Variants in SHROOM3 observed in about 807,000 individuals in gnomAD.
SHROOM3 encodes shroom family member 3, also known as protein Shroom3.
A neutral mutation model predicts 138.6 loss-of-function variants in SHROOM3; 47 were observed. The ratio of observed to expected loss-of-function variants is 0.34; its 90% CI spans 0.27 to 0.43. The LOEUF (loss-of-function observed/expected upper bound fraction) is 0.43. Among genes scored for constraint, SHROOM3 ranks in the 20% least tolerant of loss-of-function variants. SHROOM3 has a pLI of 1.00. For missense variants in SHROOM3, 2,491 were observed against 2,596.5 expected (o/e 0.96, Z 0.88); for synonymous variants, 1,062 against 1,063.3 (o/e 1.00, Z 0.02).
rs1721244186 is a variant in SHROOM3, at chr4:76,741,219, A to C, written c.3046A>C (p.Lys1016Gln). Residue 1016 changes from lysine (K) to glutamine (Q), a missense_variant, in exon 5 of 11, where the codon AAG becomes CAG. By Grantham distance (53) the Lys-to-Gln change is moderately conservative. Around this residue, in one of 4 missense-constraint regions of SHROOM3, gnomAD observed 1,733 missense variants for 1,661.6 expected, o/e 1.04. Transcript: ENST00000296043. This position sits in a 1 kb window ranked among gnomAD's most constrained non-coding sequence, Gnocchi z 6.2. ...GARRRLTPEQ[K>Q]KRSYSEPEKM... ...TCGCCGGCGCCTGACTCCCGAGCAG[A>C]AGAAGCGCTCCTACTCGGAGCCCGA... 4 of 1,609,646 alleles carry C rather than the reference A, an allele frequency of 2.5e-6. No homozygotes were observed. The highest frequency in any genetic ancestry group is 3.4e-6 in the Non-Finnish European group (4 of 1,178,672).
chr4:76,569,905 G>C (rs1442116347), intron 2 of SHROOM3, among the ~76,000 whole-genome samples: 1 of 152,036 alleles, frequency 6.6e-6, no homozygotes, highest in Admixed American at 6.6e-5. Context: ...GGCTGGGTGA[G>C]GTCAACCCCA....
chr4:76,646,284 GTTC>G (rs1735820309), intron 2 of SHROOM3, among the ~76,000 whole-genome samples: 1 of 147,214 alleles, frequency 6.8e-6, no homozygotes, highest in African/African-American at 2.5e-5. Context: ...TTGCAACAGT[GTTC>G]TTCTTTATGG....
At position 76,740,677 on chromosome 4, in the gene SHROOM3, C is replaced by G; in HGVS notation, c.2504C>G (p.Ser835Cys). The stretch of plus-strand genomic sequence containing the variant: ...GAGACAAAAGCACACATTCGTTTCT[C>G]TGAGTCAGCTGAACCCCTAGGCAAC... The part of the protein sequence containing the change: ...FEETKAHIRF[S>C]ESAEPLGNGE... Residue 835 changes from serine to cysteine, a missense_variant, in exon 5 of 11, where the codon TCT (serine) becomes TGT (cysteine). Coordinates refer to ENST00000296043, the MANE Select transcript of SHROOM3 (RefSeq NM_020859.4). The surrounding 1 kb of genome is among the most constrained non-coding windows in gnomAD (Gnocchi z 4.0). The G allele has an allele frequency of 6.2e-7, 1 of 1,614,084 alleles. No homozygotes were observed. The highest frequency in any genetic ancestry group is 8.5e-7 in the Non-Finnish European group (1 of 1,180,038).
intron 2 of SHROOM3, among the ~76,000 whole-genome samples, chr4:76,660,731 C>A (rs1577958245): frequency 6.6e-6 from 1 of 152,156 alleles, no homozygotes; most frequent in African/African-American, 2.4e-5. Flanking sequence ...CTGCCTCAGC[C>A]TCCCAAAGTG....
At chr4:76,698,734 T>G (rs575519046) in intron 2 of SHROOM3, among the ~76,000 whole-genome samples, 44 of 152,160 alleles carry the variant, frequency 2.9e-4, no homozygotes, top group Non-Finnish European at 6.2e-4. Flanking sequence ...TGCCTGCGAC[T>G]CCTGCCAGTG....
At chr4:76,694,182 C>G (rs1719654377) in intron 2 of SHROOM3, among the ~76,000 whole-genome samples, 1 of 152,186 alleles carries the variant, frequency 6.6e-6, no homozygotes, top group Non-Finnish European at 1.5e-5. Context: ...TTAATTCATT[C>G]AGTAAACATT....
rs1732282903 is a variant in SHROOM3 at position 76,509,273 on chromosome 4, C to T, written c.169-46336C>T. 2.0e-5 allele frequency: 3 copies of T among 152,178 alleles called. No individual in the cohort carries two copies. In the South Asian group the frequency reaches 6.2e-4, roughly 32 times the overall value. 9.4% of individuals were successfully genotyped at this position (152,178 alleles called of 1,614,324 possible). On this transcript the variant is annotated intron_variant, in intron 1 of 10. Coordinates refer to ENST00000296043, the MANE Select transcript of SHROOM3 (RefSeq NM_020859.4). ...ATATCCCCCCCTCCGAATCCAGCAT[C>T]CACAATATTTTTAATAATGACAGGA...
At chr4:76,486,042 A>T (rs1579187210) in intron 1 of SHROOM3, among the ~76,000 whole-genome samples, 1 of 152,050 alleles carries the variant, frequency 6.6e-6, no homozygotes, top group East Asian at 1.9e-4. Context: ...TCAATCTTGG[A>T]TAGGACTAGT....
At chr4:76,469,149 C>G (rs1395313288) in intron 1 of SHROOM3, among the ~76,000 whole-genome samples, 1 of 151,718 alleles carries the variant, frequency 6.6e-6, no homozygotes, top group East Asian at 1.9e-4. Context: ...TGCAGTGAAC[C>G]AAGATCACAC....
intron 2 of SHROOM3, chr4:76,689,649 C>A: frequency 1.0e-6 from 1 of 985,338 alleles, no homozygotes; most frequent in Non-Finnish European, 1.2e-6. Flanking sequence ...AACTTGGCGT[C>A]GGCCTGGAGC....
chr4:76,644,474 C>A (rs1308660585), intron 2 of SHROOM3: 2 of 151,720 alleles, frequency 1.3e-5, no homozygotes, highest in Admixed American at 1.3e-4. Context: ...TGTTCTCGAA[C>A]TCCTGACCTC....
intron 9 of SHROOM3, among the ~76,000 whole-genome samples, chr4:76,767,545 C>T (rs1433529643): frequency 2.6e-5 from 4 of 152,062 alleles, no homozygotes; most frequent in African/African-American, 7.2e-5. Flanking sequence ...GGCGTGGTGG[C>T]GGGTGCCAGT....
chr4:76,571,188 C>T (rs181553338), intron 2 of SHROOM3, among the ~76,000 whole-genome samples: 7 of 152,256 alleles, frequency 4.6e-5, no homozygotes, highest in Non-Finnish European at 7.3e-5. Context: ...ATTTTACAGA[C>T]GAGGAGATAG....
rs542556063 is a variant in SHROOM3 at position 76,738,808 on chromosome 4, G to A, written c.635G>A (p.Arg212Gln). Residue 212 changes from arginine (R) to glutamine (Q), a missense_variant, in exon 5 of 11, where the codon CGG becomes CAG. This residue lies in a region of SHROOM3 where 284 missense variants were observed against 322.8 expected (regional missense o/e 0.88). Transcript: ENST00000296043. ...LSNYDHAYLR[R>Q]SPDQCSSQGS... The stretch of plus-strand genomic sequence containing the variant: ...AACTATGACCATGCTTATCTAAGGC[G>A]GAGCCCTGACCAGTGCAGCTCCCAG... The A allele has an allele frequency of 3.3e-5, 54 of 1,614,102 alleles. No individual in the cohort carries two copies. The highest frequency in any genetic ancestry group is 2.2e-4 in the South Asian group (20 of 91,086).
At position 76,530,946 on chromosome 4, in the gene SHROOM3, C is replaced by T. The variant is rs117084714; in HGVS notation, c.169-24663C>T. On this transcript the variant is annotated intron_variant, in intron 1 of 10. Coordinates refer to ENST00000296043, the MANE Select transcript of SHROOM3 (RefSeq NM_020859.4). Reference sequence around the variant, plus strand: ...AAAGAAAAAGTTGCCAAGGACTGTACTTGCTTTCCCAGATTGTCCTAGGGT... The same window carrying T: ...AAAGAAAAAGTTGCCAAGGACTGTATTTGCTTTCCCAGATTGTCCTAGGGT... Among the ~76,000 whole-genome samples the T allele has an allele frequency of 8.9e-4, 136 of 152,252 alleles. 1 individual carries two copies. In the East Asian group the frequency reaches 0.014, roughly 15 times the overall value.
At chr4:76,688,585 G>A in intron 2 of SHROOM3, 1 of 985,402 alleles carries the variant, frequency 1.0e-6, no homozygotes, top group Non-Finnish European at 1.2e-6. Flanking sequence ...AGAGGACTCT[G>A]AGGGGAAAAA....
intron 1 of SHROOM3, among the ~76,000 whole-genome samples, chr4:76,542,865 A>G (rs549708445): frequency 7.9e-5 from 12 of 152,366 alleles, no homozygotes; most frequent in African/African-American, 2.9e-4. Flanking sequence ...CTTCTGGTAC[A>G]GAGCTGTGCC....
At chr4:76,598,884 T>A (rs13143823) in intron 2 of SHROOM3, among the ~76,000 whole-genome samples, 10,879 of 152,136 alleles carry the variant, frequency 0.072, 471 homozygotes, top group South Asian at 0.098. Flanking sequence ...TGGCTGCATT[T>A]TGGGAGGTGG....
At chr4:76,531,330 T>C (rs761085508) in intron 1 of SHROOM3, among the ~76,000 whole-genome samples, 6 of 152,150 alleles carry the variant, frequency 3.9e-5, no homozygotes, top group Non-Finnish European at 7.4e-5. Flanking sequence ...TTTACAACAT[T>C]ACACAAATTG....
Sources: gnomAD v4.1 joint callset for allele counts (sites outside exome capture counted in the v4.1 genomes callset) on GRCh38, gnomAD v4.1.1 for gene constraint, gnomAD v4.1.1 regional missense constraint, Gnocchi (gnomAD v3.1) non-coding constraint, MANE v1.5 for transcripts, NCBI Gene and HGNC (gene_info 2026-07-23, HGNC 2026-07-21) for gene names.